SPIRE1: variants seen among roughly 807,000 people sequenced by gnomAD.
SPIRE1 encodes the protein protein spire homolog 1.
In SPIRE1, 40 loss-of-function variants were observed where a neutral mutation model predicts 94.1. The observed-to-expected ratio is 0.43, with a 90% CI of 0.33 to 0.55. The LOEUF is 0.55. Ranked by LOEUF, SPIRE1 falls within the 20% of genes least tolerant of loss-of-function variation. SPIRE1 has a pLI of 0.06. For missense variants in SPIRE1, 838 were observed against 975.2 expected (o/e 0.86, Z 1.87); for synonymous variants, 376 against 371.7 (o/e 1.01, Z -0.13).
chr18:12,630,697 G>A (rs1011533169), intron 2 of SPIRE1, among the ~76,000 whole-genome samples: 1 of 152,078 alleles, frequency 6.6e-6, no homozygotes, highest in South Asian at 2.1e-4. Flanking sequence ...ACCCTCAATG[G>A]AGAATCTGAG....
intron 4 of SPIRE1, among the ~76,000 whole-genome samples, chr18:12,530,912 C>T (rs138586237): frequency 6.6e-6 from 1 of 152,264 alleles, no homozygotes; most frequent in East Asian, 1.9e-4. Flanking sequence ...GGTGAGCATA[C>T]TGCACACTCT....
intron 12 of SPIRE1, among the ~76,000 whole-genome samples, chr18:12,462,528 G>A (rs549269185): frequency 1.3e-5 from 2 of 152,274 alleles, no homozygotes; most frequent in South Asian, 4.1e-4. Context: ...GCTGCCCACT[G>A]TCCTGAGAAA....
At chr18:12,519,038 A>T (rs2034281501) in intron 4 of SPIRE1, among the ~76,000 whole-genome samples, 1 of 152,206 alleles carries the variant, frequency 6.6e-6, no homozygotes, top group Admixed American at 6.5e-5. Context: ...ATTTGTGTCA[A>T]ACTTTATGGT....
chr18:12,464,265 A>ATAAC (rs57628486), intron 11 of SPIRE1, among the ~76,000 whole-genome samples: 151,037 of 152,310 alleles, frequency 0.99, 74,889 homozygotes, highest in East Asian at 1. Flanking sequence ...CCAATTGTGG[A>ATAAC]TAGTCAGTAC....
chr18:12,454,428 T>C lies in SPIRE1; in HGVS notation c.1694A>G (p.His565Arg), dbSNP rs2031405963. 1.2e-6 allele frequency: 2 copies of C among 1,614,096 alleles called. No individual in the cohort carries two copies. Among genetic ancestry groups the C allele is most frequent in the African/African-American group, 1.3e-5 (1 of 75,050 alleles). Reference protein sequence around the residue: ...CLALTVEEVMHIRQVLVKAEL... With the variant: ...CLALTVEEVMRIRQVLVKAEL... ...TGCCTTCACCAGGACCTGGCGAATA[T>C]GCATCACTTCTTCCACAGTAAGAGC... Residue 565 changes from histidine (H) to arginine (R), a missense_variant, in exon 13 of 17, where the codon CAT (histidine) becomes CGT (arginine). Coordinates refer to ENST00000409402, the MANE Select transcript of SPIRE1 (RefSeq NM_001128626.2).
intron 2 of SPIRE1, among the ~76,000 whole-genome samples, chr18:12,633,850 T>C (rs1272120933): frequency 6.6e-6 from 1 of 152,100 alleles, no homozygotes; most frequent in African/African-American, 2.4e-5. Flanking sequence ...ACACCACACA[T>C]ATATGCTGAC....
At position 12,466,532 on chromosome 18, in the gene SPIRE1, A is replaced by G. The variant is rs183886989; in HGVS notation, c.1405-1574T>C. On this transcript the variant is annotated intron_variant, in intron 10 of 16. Transcript: ENST00000409402. ...CCTGAGCTCATGATCTGCCTGCCTC[A>G]GCCTCCCAAAGTGCTGGGATTACAG... 4.4e-4 allele frequency among the ~76,000 whole-genome samples: 67 copies of G among 152,196 alleles called. 1 individual carries two copies. The East Asian group carries it at 0.011, about 24-fold the overall frequency.
chr18:12,630,689 C>T (rs1028376765), intron 2 of SPIRE1, among the ~76,000 whole-genome samples: 1 of 152,026 alleles, frequency 6.6e-6, no homozygotes, highest in Non-Finnish European at 1.5e-5. Flanking sequence ...AGCTATCCAC[C>T]CTCAATGGAG....
At chr18:12,566,769 T>C (rs1269565705) in intron 2 of SPIRE1, among the ~76,000 whole-genome samples, 7 of 152,028 alleles carry the variant, frequency 4.6e-5, no homozygotes, top group African/African-American at 1.7e-4. Context: ...CTACCAAACA[T>C]TCAAAAAGAA....
At chr18:12,459,851 G>T in intron 12 of SPIRE1, 2 of 985,912 alleles carry the variant, frequency 2.0e-6, no homozygotes. Flanking sequence ...GATGAGAGCT[G>T]AGCAGAGAAG....
At chr18:12,583,333 G>A (rs1457263486) in intron 2 of SPIRE1, among the ~76,000 whole-genome samples, 2 of 152,192 alleles carry the variant, frequency 1.3e-5, no homozygotes, top group East Asian at 3.8e-4. Flanking sequence ...GCCGGGTATG[G>A]TGGCGCAAGC....
intron 2 of SPIRE1, among the ~76,000 whole-genome samples, chr18:12,630,844 T>C (rs1229216534): frequency 6.6e-6 from 1 of 152,136 alleles, no homozygotes; most frequent in African/African-American, 2.4e-5. Flanking sequence ...TCAGGCAGCT[T>C]ATACTAGCAA....
Position 12,471,812 on chromosome 18 carries a change from T to C in SPIRE1, c.1405-6854A>G, listed in dbSNP as rs891769046. Among the ~76,000 whole-genome samples the C allele has an allele frequency of 4.6e-5, 7 of 152,100 alleles. No homozygotes were observed. In the East Asian group the frequency reaches 1.3e-3, roughly 29 times the overall value. ...CTTCTTCTTCTTTTTTTGGAGAGAG[T>C]CTTGCTCTGTCACCCCTGTTGGAGT... is the stretch of plus-strand genomic sequence containing the variant. On this transcript the variant is annotated intron_variant, in intron 10 of 16. Transcript: ENST00000409402.
intron 4 of SPIRE1, among the ~76,000 whole-genome samples, chr18:12,523,514 A>G (rs920139566): frequency 1.3e-5 from 2 of 152,184 alleles, no homozygotes; most frequent in South Asian, 2.1e-4. Flanking sequence ...GTATGCTACA[A>G]TGTATTCTGA....
chr18:12,515,174 C>A (rs1276939732), intron 4 of SPIRE1, among the ~76,000 whole-genome samples: 1 of 152,094 alleles, frequency 6.6e-6, no homozygotes, highest in East Asian at 1.9e-4. Context: ...AAGCTGAAAT[C>A]ATGATGAATA....
intron 10 of SPIRE1, among the ~76,000 whole-genome samples, chr18:12,467,265 A>C (rs1353203975): frequency 6.6e-6 from 1 of 152,044 alleles, no homozygotes; most frequent in Non-Finnish European, 1.5e-5. Flanking sequence ...GCGACAGAGC[A>C]AGACTCTGTC....
rs750645403 is a variant in SPIRE1 at position 12,621,459 on chromosome 18, T to C, written c.372+13603A>G. 3.9e-5 allele frequency among the ~76,000 whole-genome samples: 6 copies of C among 152,064 alleles called. No homozygotes were observed. The East Asian group carries it at 9.6e-4, about 24-fold the overall frequency. On this transcript the variant is annotated intron_variant, in intron 2 of 16. Coordinates refer to ENST00000409402, the MANE Select transcript of SPIRE1 (RefSeq NM_001128626.2). ...ACCATTACTCATAACAGCCAAAGGGTAGAAACAATTCAAATGTCCATCAAC... is the reference window on the plus strand; with the variant it reads ...ACCATTACTCATAACAGCCAAAGGGCAGAAACAATTCAAATGTCCATCAAC...
chr18:12,454,358 C>T lies in SPIRE1; in HGVS notation c.1764G>A (p.Leu588=). The change falls in exon 13 of 17, where the codon TTG becomes TTA. Residue 588 remains leucine, a synonymous_variant. Coordinates refer to ENST00000409402, the MANE Select transcript of SPIRE1 (RefSeq NM_001128626.2). The part of the protein sequence containing the change: ...YQQYKDIYTA[L]KKGKLCFCCR... Reference sequence around the variant, plus strand: ...TAAACAGCACTACCTTTCCTTTTTTCAAGGCGGTGTAGATGTCTTTATACT... The same window carrying T: ...TAAACAGCACTACCTTTCCTTTTTTTAAGGCGGTGTAGATGTCTTTATACT... 6.2e-7 allele frequency: 1 copy of T among 1,613,452 alleles called. No individual in the cohort carries two copies. The highest frequency in any genetic ancestry group is 2.2e-5 in the East Asian group (1 of 44,874).
In SPIRE1 at chr18:12,460,346, G is replaced by A. The variant is rs1366465466; in HGVS notation, c.1638+3005C>T. Among the ~76,000 whole-genome samples the A allele has an allele frequency of 3.3e-5, 5 of 152,284 alleles. No homozygotes were observed. In the East Asian group the frequency reaches 7.7e-4, roughly 24 times the overall value. ...TTAGACTGGATGGGCATTTGCCCTC[G>A]GTTATTTGACCAAATGATGAAAAAA... On this transcript the variant is annotated intron_variant, in intron 12 of 16. Transcript: ENST00000409402.
Sources: gnomAD v4.1 joint callset for allele counts (sites outside exome capture counted in the v4.1 genomes callset) on GRCh38, gnomAD v4.1.1 for gene constraint, MANE v1.5 for transcripts, NCBI Gene and HGNC (gene_info 2026-07-23, HGNC 2026-07-21) for gene names.